GBP6: variants seen among roughly 807,000 people sequenced by gnomAD.
The protein encoded by GBP6 is guanylate binding protein family member 6.
Under a neutral mutation model 61.5 loss-of-function variants are expected in GBP6, and 54 were observed. That is an observed-to-expected ratio of 0.88 (90% CI 0.71 to 1.10). The LOEUF is 1.10. GBP6 is among the 50% of genes least tolerant of loss of function. The pLI, the probability that GBP6 is intolerant of heterozygous loss-of-function variation, is 0.00. For missense variants in GBP6, 748 were observed against 752.8 expected, an observed-to-expected ratio of 0.99 and a Z score of 0.07; for synonymous variants, 255 against 273.7, an observed-to-expected ratio of 0.93 and a Z score of 0.67.
At chr1:89,375,917 T>C (rs60879842) in intron 3 of GBP6, among the ~76,000 whole-genome samples, 13,745 of 152,078 alleles carry the variant, frequency 0.09, 889 homozygotes, top group East Asian at 0.27. Flanking sequence ...CTAACTAAAA[T>C]TTTGTATCCT....
At chr1:89,373,574 C>G in intron 3 of GBP6, among the ~76,000 whole-genome samples, 1 of 152,052 alleles carries the variant, frequency 6.6e-6, no homozygotes. Flanking sequence ...GACAAAAAAC[C>G]AAACACCACA....
chr1:89,371,466 T>A (rs564899279), intron 3 of GBP6, among the ~76,000 whole-genome samples: 1 of 152,166 alleles, frequency 6.6e-6, no homozygotes, highest in Non-Finnish European at 1.5e-5. Flanking sequence ...TTATCCACCA[T>A]GATCAAGTGG....
In GBP6 at chr1:89,368,599, T is replaced by C. The variant is rs755082853; in HGVS notation, c.48T>C (p.Asn16=). 3 of 1,613,972 alleles carry C rather than the reference T, an allele frequency of 1.9e-6. No homozygotes were observed. Among genetic ancestry groups the C allele is most frequent in the South Asian group, 2.2e-5 (2 of 91,090 alleles). ...TGGCCCCCGTTTGCCTGGTGGAAAA[T>C]AACAATGAGCAGCTATTGGTGAACC... ...KMLAPVCLVE[N]NNEQLLVNQQ... The change falls in exon 2 of 11, where the codon AAT becomes AAC. Residue 16 remains asparagine, a synonymous_variant. Coordinates refer to ENST00000370456, the MANE Select transcript of GBP6 (RefSeq NM_198460.3).
intron 8 of GBP6, 93 bp from the exon 9 acceptor site, chr1:89,383,559 G>A: frequency 2.1e-6 from 2 of 941,246 alleles, no homozygotes; most frequent in Non-Finnish European, 1.7e-6. Context: ...TAGGCATAAA[G>A]CAAAAGTTAC....
chr1:89,370,805 T>C (rs1156855540), intron 3 of GBP6, among the ~76,000 whole-genome samples: 2 of 152,224 alleles, frequency 1.3e-5, no homozygotes, highest in Non-Finnish European at 2.9e-5. Flanking sequence ...TACCGTTTTC[T>C]TTTTTCTATG....
intron 3 of GBP6, among the ~76,000 whole-genome samples, chr1:89,372,051 A>G (rs1468605111): frequency 6.6e-6 from 1 of 152,178 alleles, no homozygotes; most frequent in African/African-American, 2.4e-5. Context: ...TCATGAATGA[A>G]CTCCCATTCA....
intron 6 of GBP6, 81 bp from the exon 7 acceptor site, chr1:89,381,613 T>C: frequency 7.1e-7 from 1 of 1,417,140 alleles, no homozygotes; most frequent in South Asian, 1.3e-5. Context: ...TGTAAGTGCA[T>C]GTGTGTGCTC....
chr1:89,379,537 C>T (rs1652902860), intron 5 of GBP6, among the ~76,000 whole-genome samples: 1 of 152,132 alleles, frequency 6.6e-6, no homozygotes, highest in South Asian at 2.1e-4. Context: ...CAATCTGTGC[C>T]TTTTCAAAAT....
chr1:89,371,108 G>A (rs549734210), intron 3 of GBP6, among the ~76,000 whole-genome samples: 1 of 152,242 alleles, frequency 6.6e-6, no homozygotes, highest in East Asian at 1.9e-4. Context: ...GTCTTTCTAT[G>A]TCTGACTTAT....
At chr1:89,379,465 T>G (rs1413685456) in intron 5 of GBP6, among the ~76,000 whole-genome samples, 1 of 152,230 alleles carries the variant, frequency 6.6e-6, no homozygotes, top group Admixed American at 6.5e-5. Flanking sequence ...AATATCCATA[T>G]AGTTATATCA....
At chr1:89,382,909 A>G in intron 8 of GBP6, 33 bp downstream of exon 8, 1 of 1,465,120 alleles carries the variant, frequency 6.8e-7, no homozygotes, top group Non-Finnish European at 9.6e-7. Flanking sequence ...GGAAGTTTAT[A>G]GGATAGAGTG....
intron 3 of GBP6, among the ~76,000 whole-genome samples, chr1:89,374,281 A>G (rs1652737804): frequency 6.6e-6 from 1 of 152,192 alleles, no homozygotes; most frequent in Admixed American, 6.5e-5. Flanking sequence ...CTGTTCATGC[A>G]TTGATGGACA....
intron 3 of GBP6, among the ~76,000 whole-genome samples, chr1:89,374,757 A>AT (rs1570465028): frequency 6.6e-6 from 1 of 151,938 alleles, no homozygotes; most frequent in African/African-American, 2.4e-5. Flanking sequence ...TTCTTTACTC[A>AT]TTTTTTTACT....
rs770809416 is a variant in GBP6 at position 89,369,607 on chromosome 1, C to T, written c.252C>T (p.Pro84=). The change falls in exon 3 of 11, where the codon CCC becomes CCT. Residue 84 remains proline (P), a synonymous_variant. Coordinates refer to ENST00000370456, the MANE Select transcript of GBP6 (RefSeq NM_198460.3). The stretch of plus-strand genomic sequence containing the variant: ...AGGGCATCTGGATGTGGTGCGTGCC[C>T]CACCCATCCAAGCCAAACCACACCC... ...ETKGIWMWCV[P]HPSKPNHTLV... 3.7e-6 allele frequency: 6 copies of T among 1,614,000 alleles called. No individual in the cohort carries two copies. In the South Asian group the frequency reaches 6.6e-5, roughly 18 times the overall value.
chr1:89,378,329 C>G, intron 4 of GBP6, 88 bp from the exon 5 acceptor site: 2 of 1,527,402 alleles, frequency 1.3e-6, no homozygotes, highest in Non-Finnish European at 8.9e-7. Flanking sequence ...ACAGGGAACC[C>G]AAGACAAAAG....
At chr1:89,366,190 TTC>T (rs958754702) in intron 1 of GBP6, among the ~76,000 whole-genome samples, 7 of 152,106 alleles carry the variant, frequency 4.6e-5, no homozygotes, top group East Asian at 1.9e-4. Flanking sequence ...TGTACATAAT[TTC>T]TCTCTCTCTC....
chr1:89,368,681 G>C lies in GBP6; in HGVS notation c.130G>C (p.Val44Leu), dbSNP rs768491590. The C allele has an allele frequency of 5.6e-6, 9 of 1,614,178 alleles. No individual in the cohort carries two copies. The highest frequency in any genetic ancestry group is 1.7e-4 in the Middle Eastern group (1 of 6,058). The change falls in exon 2 of 11, where the codon GTA becomes CTA. Residue 44 changes from valine to leucine, a missense_variant. Physicochemically the swap from Val to Leu is conservative, Grantham distance 32. Coordinates refer to ENST00000370456, the MANE Select transcript of GBP6 (RefSeq NM_198460.3). ...TCAGCCAGTGGTGGTGGTGGCCATT[G>C]TAGGACTGTACCGTACAGGGAAATC... Reference protein sequence around the residue: ...ISQPVVVVAIVGLYRTGKSYL... With the variant: ...ISQPVVVVAILGLYRTGKSYL...
At position 89,382,761 on chromosome 1, in the gene GBP6, T is replaced by A; in HGVS notation, c.1250T>A (p.Leu417Gln). 6.2e-7 allele frequency: 1 copy of A among 1,613,922 alleles called. No individual in the cohort carries two copies. Among genetic ancestry groups the A allele is most frequent in the Non-Finnish European group, 8.5e-7 (1 of 1,179,802 alleles). ...QAKLNELSKG[L>Q]MESISAGSFS... ...AAACTCAATGAGCTCTCAAAGGGACTAATGGAAAGTATCTCAGCAGGAAGT... is the reference window on the plus strand; with the variant it reads ...AAACTCAATGAGCTCTCAAAGGGACAAATGGAAAGTATCTCAGCAGGAAGT... The change falls in exon 8 of 11, where the codon CTA becomes CAA. Residue 417 changes from leucine to glutamine, a missense_variant. Coordinates refer to ENST00000370456, the MANE Select transcript of GBP6 (RefSeq NM_198460.3).
In GBP6 at chr1:89,381,796, C is replaced by T. The variant is rs751920580; in HGVS notation, c.974C>T (p.Ala325Val). 17 of 1,614,012 alleles carry T rather than the reference C, an allele frequency of 1.1e-5. No homozygotes were observed. The highest frequency in any genetic ancestry group is 8.3e-5 in the Admixed American group (5 of 59,996). Residue 325 changes from alanine to valine, a missense_variant, in exon 7 of 11, where the codon GCG becomes GTG. Ala to Val is a moderately conservative substitution (Grantham distance 64, BLOSUM62 0). Coordinates refer to ENST00000370456, the MANE Select transcript of GBP6 (RefSeq NM_198460.3). ...ACTCTGGCCCAGCGTGAGAACTCAG[C>T]GGCCGTGCAGAGGGCAGCTGACTAC... The part of the protein sequence containing the change: ...VITLAQRENS[A>V]AVQRAADYYS...
Sources: allele counts gnomAD v4.1 joint callset (sites outside exome capture counted in the v4.1 genomes callset), GRCh38; gene constraint gnomAD v4.1.1; transcripts MANE v1.5; gene names NCBI Gene and HGNC (gene_info 2026-07-23, HGNC 2026-07-21).